CSMD1: variants seen among roughly 807,000 people sequenced by gnomAD.
CSMD1 encodes CUB and sushi domain-containing protein 1.
CSMD1 carries 213 observed loss-of-function variants against 417.5 expected under a neutral mutation model. The ratio of observed to expected loss-of-function variants is 0.51; its 90% CI spans 0.46 to 0.57. CSMD1 has a LOEUF of 0.57. CSMD1 is among the 20% of genes least tolerant of loss of function. CSMD1 has a pLI of 0.00. For synonymous variants in CSMD1, 2,862 were observed against 1,736.8 expected (o/e 1.65, Z -16.11); for missense variants, 6,923 against 4,529.7 (o/e 1.53, Z -15.17).
At chr8:3,500,968 A>G (rs540660422) in intron 10 of CSMD1, among the ~76,000 whole-genome samples, 1 of 152,350 alleles carries the variant, frequency 6.6e-6, no homozygotes, top group South Asian at 2.1e-4. Context: ...CAATAAGTAT[A>G]TAAATGATTT....
intron 11 of CSMD1, among the ~76,000 whole-genome samples, chr8:3,474,006 A>G (rs1432226412): frequency 6.6e-6 from 1 of 152,110 alleles, no homozygotes; most frequent in South Asian, 2.1e-4. Flanking sequence ...CATTATGAGA[A>G]CAGCATGGGG....
At chr8:3,933,076 A>G (rs1197243879) in intron 5 of CSMD1, among the ~76,000 whole-genome samples, 1 of 139,036 alleles carries the variant, frequency 7.2e-6, no homozygotes, top group Admixed American at 7.2e-5. Flanking sequence ...TTAAAAAAAA[A>G]CAAAAGAAAC....
At chr8:4,006,074 G>A (rs936829251) in intron 4 of CSMD1, among the ~76,000 whole-genome samples, 2 of 152,214 alleles carry the variant, frequency 1.3e-5, no homozygotes, top group Admixed American at 6.5e-5. Context: ...TGGAGGAAGA[G>A]CATTCCCAAC....
chr8:3,829,013 C>G (rs371237602), intron 5 of CSMD1, among the ~76,000 whole-genome samples: 1 of 151,920 alleles, frequency 6.6e-6, no homozygotes, highest in Non-Finnish European at 1.5e-5. Context: ...TCTACAATCA[C>G]CTTTCTTTTT....
rs1162941363 is a variant in CSMD1 at position 3,751,311 on chromosome 8, T to TGTGC, written c.931+2618_931+2619insGCAC. On this transcript the variant is annotated intron_variant, in intron 6 of 69. Transcript: ENST00000635120. Reference sequence around the variant, plus strand: ...TATATACAATTGAAGTGTGTGTGTGTGTGTGTGTGTGTGTGTATATATATA... The same window carrying TGTGC: ...TATATACAATTGAAGTGTGTGTGTGTGTGCGTGTGTGTGTGTGTGTATATATATA... 3.3e-4 allele frequency among the ~76,000 whole-genome samples: 48 copies of TGTGC among 145,932 alleles called. 1 individual carries two copies. The highest frequency in any genetic ancestry group is 7.6e-4 in the Admixed American group (11 of 14,538).
intron 7 of CSMD1, among the ~76,000 whole-genome samples, chr8:3,628,733 A>T (rs1399473147): frequency 6.6e-6 from 1 of 152,090 alleles, no homozygotes; most frequent in Non-Finnish European, 1.5e-5. Context: ...GTCACAGCTC[A>T]TGAGAGCCAT....
intron 1 of CSMD1, among the ~76,000 whole-genome samples, chr8:4,799,502 G>A (rs1798160955): frequency 6.7e-6 from 1 of 149,736 alleles, no homozygotes; most frequent in Non-Finnish European, 1.5e-5. Context: ...TAGAGCCTGG[G>A]GCAGGAGAAT....
chr8:2,996,262 A>T (rs1255769591), intron 54 of CSMD1, among the ~76,000 whole-genome samples: 1 of 152,232 alleles, frequency 6.6e-6, no homozygotes, highest in African/African-American at 2.4e-5. Context: ...TATTCCATAT[A>T]AACACGTAAT....
At chr8:3,676,995 G>T (rs769686213) in intron 7 of CSMD1, among the ~76,000 whole-genome samples, 1 of 152,010 alleles carries the variant, frequency 6.6e-6, no homozygotes, top group East Asian at 1.9e-4. Flanking sequence ...ATGGACCGGG[G>T]CCTGTTGCGG....
At chr8:3,782,072 G>C (rs957095674) in intron 5 of CSMD1, among the ~76,000 whole-genome samples, 1 of 152,100 alleles carries the variant, frequency 6.6e-6, no homozygotes, top group Non-Finnish European at 1.5e-5. Flanking sequence ...TGGAAGGAGA[G>C]TTTGATAAAA....
rs1816081665 is a variant in CSMD1, at chr8:3,455,752, G to C, written c.1561+12960C>G. Among the ~76,000 whole-genome samples, 4 of 152,196 alleles carry C rather than the reference G, an allele frequency of 2.6e-5. No homozygotes were observed. The South Asian group carries it at 8.3e-4, about 31-fold the overall frequency. On this transcript the variant is annotated intron_variant, in intron 12 of 69. Transcript: ENST00000635120. ...GGATGCGTCCCAGTTACGCTACTCA[G>C]GGGTCAGGGACCCACTTGAGGAGGC... is the stretch of plus-strand genomic sequence containing the variant.
intron 1 of CSMD1, among the ~76,000 whole-genome samples, chr8:4,891,258 C>G (rs1477395324): frequency 6.6e-6 from 1 of 152,088 alleles, no homozygotes; most frequent in African/African-American, 2.4e-5. Flanking sequence ...GTACCTATCT[C>G]TACATCCTTA....
At chr8:3,746,562 T>C (rs1018069567) in intron 6 of CSMD1, among the ~76,000 whole-genome samples, 3 of 152,230 alleles carry the variant, frequency 2.0e-5, no homozygotes, top group African/African-American at 4.8e-5. Flanking sequence ...TGAACTCAAA[T>C]GTTCATGTAT....
At chr8:3,899,690 T>C (rs112237029) in intron 5 of CSMD1, among the ~76,000 whole-genome samples, 1 of 152,186 alleles carries the variant, frequency 6.6e-6, no homozygotes, top group Admixed American at 6.5e-5. Flanking sequence ...CTGGGCTAAA[T>C]ATGACAAATA....
At chr8:4,465,274 T>C (rs2129988897) in intron 2 of CSMD1, among the ~76,000 whole-genome samples, 1 of 152,232 alleles carries the variant, frequency 6.6e-6, no homozygotes, top group Admixed American at 6.5e-5. Context: ...CCAGTGCCTG[T>C]GACCCAGGTG....
chr8:4,224,959 A>C (rs1801259265), intron 3 of CSMD1, among the ~76,000 whole-genome samples: 1 of 152,168 alleles, frequency 6.6e-6, no homozygotes, highest in African/African-American at 2.4e-5. Context: ...AAAATTAAAA[A>C]AAATTAGTTG....
rs367989662 is a variant in CSMD1, at chr8:3,317,294, G to A, written c.3632-8791C>T. ...TAAACATGCTTTGGATATGTTAGGA[G>A]CATGAGGAGCACAGAGCGAGACAAT... On this transcript the variant is annotated intron_variant, in intron 23 of 69. Transcript: ENST00000635120. Among the ~76,000 whole-genome samples the A allele has an allele frequency of 3.9e-5, 6 of 152,224 alleles. No individual in the cohort carries two copies. In the South Asian group the frequency reaches 1.0e-3, roughly 26 times the overall value.
At chr8:4,853,787 G>A (rs2116842657) in intron 1 of CSMD1, among the ~76,000 whole-genome samples, 1 of 152,256 alleles carries the variant, frequency 6.6e-6, no homozygotes, top group South Asian at 2.1e-4. Context: ...CAGCCACACT[G>A]CACCCCACAA....
chr8:4,040,758 A>G (rs10106794), intron 3 of CSMD1, among the ~76,000 whole-genome samples: 6,649 of 152,246 alleles, frequency 0.044, 511 homozygotes, highest in African/African-American at 0.15. Context: ...GTAAGCGACC[A>G]GTTGGCAAAT....
Sources: gnomAD v4.1 joint callset for allele counts (sites outside exome capture counted in the v4.1 genomes callset) on GRCh38, gnomAD v4.1.1 for gene constraint, MANE v1.5 for transcripts, NCBI Gene and HGNC (gene_info 2026-07-23, HGNC 2026-07-21) for gene names.